Variants in AFF3 observed in about 807,000 individuals in gnomAD.
The protein encoded by AFF3 is ALF transcription elongation factor 3.
AFF3 carries 32 observed loss-of-function variants against 129.7 expected under a neutral mutation model. The observed-to-expected ratio is 0.25, with a 90% CI of 0.19 to 0.33. The LOEUF is 0.33. Among genes scored for constraint, AFF3 ranks in the 10% least tolerant of loss-of-function variants. The pLI is 1.00. For synonymous variants in AFF3, 644 were observed against 635.4 expected (o/e 1.01, Z -0.20); for missense variants, 1,373 against 1,592.0 (o/e 0.86, Z 2.34).
chr2:99,955,789 G>A (rs1676585444), intron 7 of AFF3, among the ~76,000 whole-genome samples: 2 of 152,146 alleles, frequency 1.3e-5, no homozygotes, highest in Admixed American at 6.5e-5. Flanking sequence ...AATCATTCCA[G>A]TGTCTTATGG....
chr2:100,061,857 A>G (rs115794730), intron 4 of AFF3, among the ~76,000 whole-genome samples: 5,542 of 95,026 alleles, frequency 0.058, 265 homozygotes, highest in East Asian at 0.12. Flanking sequence ...AGCACAGTGG[A>G]GGGGGGGGGG....
chr2:99,638,904 C>T (rs879490051), intron 13 of AFF3, among the ~76,000 whole-genome samples: 2 of 152,190 alleles, frequency 1.3e-5, no homozygotes, highest in Non-Finnish European at 2.9e-5. Context: ...GAGATCAAAA[C>T]TCTTCTAACT....
intron 11 of AFF3, among the ~76,000 whole-genome samples, chr2:99,681,026 G>A (rs984308594): frequency 5.3e-5 from 8 of 152,142 alleles, no homozygotes; most frequent in East Asian, 1.9e-4. Flanking sequence ...ATATTCTGAC[G>A]GGATAGGTTT....
intron 2 of AFF3, chr2:100,110,482 T>C (rs947921695): frequency 2.0e-5 from 3 of 152,198 alleles, no homozygotes; most frequent in Admixed American, 2.0e-4. Context: ...CAAGCATGGA[T>C]TGGTAGTCCC....
In AFF3 at chr2:99,570,440, G is replaced by A. The variant is rs189488397; in HGVS notation, c.2919-1525C>T. ...CAGCATCAACCACCTGGGGTTAAGC[G>A]ACCCTCCCACCACAGCCTCCCAGGT... On this transcript the variant is annotated intron_variant, in intron 18 of 24. Transcript: ENST00000672756. Among the ~76,000 whole-genome samples the A allele has an allele frequency of 8.5e-5, 13 of 152,222 alleles. No homozygotes were observed. In the East Asian group the frequency reaches 2.1e-3, roughly 25 times the overall value.
chr2:99,951,966 C>T (rs1331240862), intron 7 of AFF3, among the ~76,000 whole-genome samples: 1 of 152,204 alleles, frequency 6.6e-6, no homozygotes, highest in African/African-American at 2.4e-5. Flanking sequence ...CTGAGAATAA[C>T]AGCTTGGAGG....
At chr2:100,053,466 C>G (rs1358393608) in intron 4 of AFF3, among the ~76,000 whole-genome samples, 1 of 152,216 alleles carries the variant, frequency 6.6e-6, no homozygotes, top group Admixed American at 6.5e-5. Context: ...AGAGCTCAGT[C>G]TTCTCATTTA....
At chr2:99,685,560 G>A (rs60241940) in intron 11 of AFF3, among the ~76,000 whole-genome samples, 9,196 of 152,174 alleles carry the variant, frequency 0.06, 928 homozygotes, top group African/African-American at 0.21. Flanking sequence ...TTTATATCAG[G>A]TATATTTCGA....
intron 7 of AFF3, among the ~76,000 whole-genome samples, chr2:99,906,759 C>T (rs186840922): frequency 6.6e-5 from 10 of 152,154 alleles, no homozygotes; most frequent in Admixed American, 3.9e-4. Flanking sequence ...GGCCTGTCCA[C>T]GGCTTTTGGA....
intron 13 of AFF3, among the ~76,000 whole-genome samples, chr2:99,633,909 CTTTTTTT>C (rs139661861): frequency 2.0e-4 from 23 of 116,422 alleles, no homozygotes; most frequent in Admixed American, 1.0e-4. Context: ...TTCTTCCTTC[CTTTTTTT>C]TTTTTTTTTT....
intron 7 of AFF3, among the ~76,000 whole-genome samples, chr2:99,961,394 C>T (rs767314904): frequency 1.3e-5 from 2 of 152,178 alleles, no homozygotes; most frequent in Non-Finnish European, 2.9e-5. Context: ...CCCTCGGGGG[C>T]CCCGGTGTTT....
At position 99,663,384 on chromosome 2, in the gene AFF3, T is replaced by C. The variant is rs541644521; in HGVS notation, c.1143+9154A>G. ...GTGCTCAGAGCAACCTCACCTACAA[T>C]CTTGGTATCTTGATGAAGCAAGGCT... On this transcript the variant is annotated intron_variant, in intron 12 of 24. Coordinates refer to ENST00000672756, the MANE Select transcript of AFF3 (RefSeq NM_001386135.1). Among the ~76,000 whole-genome samples, 5 of 152,300 alleles carry C rather than the reference T, an allele frequency of 3.3e-5. No homozygotes were observed. The East Asian group carries it at 9.6e-4, about 29-fold the overall frequency.
chr2:99,914,890 G>A (rs368179760), intron 7 of AFF3, among the ~76,000 whole-genome samples: 49 of 152,010 alleles, frequency 3.2e-4, no homozygotes, highest in African/African-American at 1.1e-3. Flanking sequence ...GTGACAGGGC[G>A]AGACTCCATC....
intron 7 of AFF3, among the ~76,000 whole-genome samples, chr2:99,923,547 T>A (rs1403761082): frequency 6.6e-6 from 1 of 152,198 alleles, no homozygotes; most frequent in Non-Finnish European, 1.5e-5. Flanking sequence ...CAACGAAAGA[T>A]GATCAGGATC....
intron 11 of AFF3, among the ~76,000 whole-genome samples, chr2:99,714,635 T>A (rs946173065): frequency 2.0e-5 from 3 of 152,200 alleles, no homozygotes; most frequent in Non-Finnish European, 2.9e-5. Context: ...AGGTTTCAAG[T>A]TTCTCTGGAA....
At chr2:99,744,994 C>T (rs1351149159) in intron 9 of AFF3, among the ~76,000 whole-genome samples, 1 of 151,870 alleles carries the variant, frequency 6.6e-6, no homozygotes, top group African/African-American at 2.4e-5. Flanking sequence ...TTTTGCAATC[C>T]AACAATGTTT....
intron 16 of AFF3, among the ~76,000 whole-genome samples, chr2:99,584,206 G>C (rs138541653): frequency 0.029 from 4,416 of 151,614 alleles, 243 homozygotes; most frequent in African/African-American, 0.1. Context: ...GGTGGCTCAC[G>C]CCTGTAATCC....
chr2:99,966,545 C>A (rs1677774043), intron 7 of AFF3, among the ~76,000 whole-genome samples: 1 of 149,796 alleles, frequency 6.7e-6, no homozygotes, highest in African/African-American at 2.4e-5. Context: ...AAAAAATTAG[C>A]CGGGCGTAGT....
At chr2:99,896,060 C>T (rs1264191751) in intron 7 of AFF3, among the ~76,000 whole-genome samples, 2 of 109,136 alleles carry the variant, frequency 1.8e-5, no homozygotes, top group African/African-American at 4.2e-5. Context: ...CAGAGTGAGA[C>T]TCCTTCTCAA....
Sources: allele counts gnomAD v4.1 joint callset (sites outside exome capture counted in the v4.1 genomes callset), GRCh38; gene constraint gnomAD v4.1.1; transcripts MANE v1.5; gene names NCBI Gene and HGNC (gene_info 2026-07-23, HGNC 2026-07-21).